The following COPB1 variants were observed in gnomAD, a reference collection of about 807,000 sequenced individuals.
COPB1 encodes the protein coatomer subunit beta.
COPB1 carries 21 observed loss-of-function variants against 108.7 expected under a neutral mutation model. That is an observed-to-expected ratio of 0.19 (90% CI 0.14 to 0.28). COPB1 has a LOEUF of 0.28. COPB1 is among the 10% of genes least tolerant of loss of function. The pLI is 1.00. For missense variants in COPB1, 919 were observed against 1,141.3 expected, an observed-to-expected ratio of 0.81 and a Z score of 2.81; for synonymous variants, 378 against 386.8, an observed-to-expected ratio of 0.98 and a Z score of 0.27.
chr11:14,468,066 A>G (rs1850321956), intron 16 of COPB1, among the ~76,000 whole-genome samples: 1 of 152,212 alleles, frequency 6.6e-6, no homozygotes, highest in Admixed American at 6.5e-5. Flanking sequence ...TAATTCAAAA[A>G]AACTAAAAAA....
At chr11:14,460,126 A>T in intron 20 of COPB1, 82 bp downstream of exon 20, 1 of 835,476 alleles carries the variant, frequency 1.2e-6, no homozygotes, top group African/African-American at 1.7e-5. Flanking sequence ...GAATAACAAA[A>T]ATGTGCTAGA....
At chr11:14,462,959 AC>A (rs1850192994) in intron 18 of COPB1, among the ~76,000 whole-genome samples, 1 of 152,104 alleles carries the variant, frequency 6.6e-6, no homozygotes, top group Non-Finnish European at 1.5e-5. Flanking sequence ...AGTCTACACT[AC>A]CTGTATTTCT....
At chr11:14,485,969 G>A (rs910411114) in intron 7 of COPB1, among the ~76,000 whole-genome samples, 2 of 152,176 alleles carry the variant, frequency 1.3e-5, no homozygotes, top group Non-Finnish European at 1.5e-5. Context: ...TCATTAAGAG[G>A]AAGTAGATCA....
At chr11:14,490,799 T>G (rs1213886969) in intron 4 of COPB1, 120 bp from the exon 5 acceptor site, 1 of 616,978 alleles carries the variant, frequency 1.6e-6, no homozygotes, top group Non-Finnish European at 2.8e-6. Context: ...TTGCTTTTTT[T>G]TTTTTTTGGA....
chr11:14,494,501 A>T (rs1850975419), intron 2 of COPB1, 62 bp from the exon 3 acceptor site: 2 of 976,392 alleles, frequency 2.0e-6, no homozygotes, highest in South Asian at 1.5e-5. Context: ...CATCACATAA[A>T]TTTAAAAGCA....
intron 20 of COPB1, among the ~76,000 whole-genome samples, chr11:14,459,578 G>A (rs1335922292): frequency 1.3e-5 from 2 of 152,056 alleles, no homozygotes; most frequent in South Asian, 4.2e-4. Context: ...CCACGGAAGA[G>A]CTCATGGACA....
chr11:14,483,718 G>T (rs2134117522), intron 7 of COPB1, among the ~76,000 whole-genome samples: 1 of 152,042 alleles, frequency 6.6e-6, no homozygotes, highest in Non-Finnish European at 1.5e-5. Flanking sequence ...GGAAAAGAAG[G>T]GAGGGAGGGA....
chr11:14,468,961 A>G (rs1249559386), intron 15 of COPB1, 101 bp from the exon 16 acceptor site: 1 of 969,886 alleles, frequency 1.0e-6, no homozygotes, highest in African/African-American at 1.6e-5. Flanking sequence ...TGAAAAATCA[A>G]CAAAACAACA....
At chr11:14,489,884 T>C (rs181697543) in intron 5 of COPB1, among the ~76,000 whole-genome samples, 13 of 152,332 alleles carry the variant, frequency 8.5e-5, no homozygotes, top group African/African-American at 2.9e-4. Flanking sequence ...GTTATGTGTA[T>C]GTTACCACAA....
At chr11:14,475,119 AG>A (rs1248376265) in intron 13 of COPB1, among the ~76,000 whole-genome samples, 8 of 133,416 alleles carry the variant, frequency 6.0e-5, no homozygotes, top group African/African-American at 1.4e-4. Flanking sequence ...AAAAAAAAAA[AG>A]AAAACTTATC....
intron 13 of COPB1, 91 bp from the exon 14 acceptor site, chr11:14,474,706 T>G (rs2134106882): frequency 2.6e-6 from 4 of 1,512,722 alleles, no homozygotes; most frequent in South Asian, 2.6e-5. Context: ...TATTAAACAC[T>G]CTTATTACCA....
rs781370944 is a variant in COPB1 at position 14,468,828 on chromosome 11, C to T, written c.1998G>A (p.Gln666=). The change falls in exon 16 of 22, where the codon CAG becomes CAA. Residue 666 remains glutamine (Q), a synonymous_variant. Transcript: ENST00000439561. The part of the protein sequence containing the change: ...KESEKRNVTV[Q]PDDPISFMQL... ...GCATGAAGGAAATGGGGTCATCAGG[C>T]TGTACTGTCACATTCCTCTTTTCAG... The T allele has an allele frequency of 3.7e-6, 6 of 1,614,038 alleles. No homozygotes were observed. In the Admixed American group the frequency reaches 1.0e-4, roughly 27 times the overall value.
chr11:14,482,743 C>A (rs2099522253), intron 8 of COPB1, among the ~76,000 whole-genome samples: 1 of 152,150 alleles, frequency 6.6e-6, no homozygotes, highest in Non-Finnish European at 1.5e-5. Flanking sequence ...ACCATGTTGG[C>A]CAGGCTGGTC....
rs754536521 is a variant in COPB1 at position 14,476,935 on chromosome 11, C to T, written c.1439G>A (p.Arg480His). The T allele has an allele frequency of 8.7e-6, 14 of 1,606,818 alleles. No individual in the cohort carries two copies. The highest frequency in any genetic ancestry group is 6.7e-5 in the East Asian group (3 of 44,852). ...EDIQSVMTEI[R>H]RSLGEIPIVE... is the part of the protein sequence containing the mutation. ...AAAACATACCTCTCCAAGGGACCTG[C>T]GGATCTCAGTCATCACACTCTGAAT... The change falls in exon 12 of 22, where the codon CGC (arginine) becomes CAC (histidine). Residue 480 changes from arginine to histidine, a missense_variant. Physicochemically the swap from Arg to His is conservative, Grantham distance 29 (BLOSUM62 0). Coordinates refer to ENST00000439561, the MANE Select transcript of COPB1 (RefSeq NM_001144061.2).
At chr11:14,482,950 A>C in intron 8 of COPB1, 82 bp downstream of exon 8, 1 of 1,323,226 alleles carries the variant, frequency 7.6e-7, no homozygotes, top group Non-Finnish European at 1.0e-6. Flanking sequence ...CATTTAGGTT[A>C]ACCAAGATGG....
chr11:14,473,522 T>C (rs1160305874), intron 14 of COPB1, among the ~76,000 whole-genome samples: 1 of 151,984 alleles, frequency 6.6e-6, no homozygotes, highest in African/African-American at 2.4e-5. Context: ...TTCAATATTG[T>C]GGTATCTCAG....
chr11:14,466,282 C>A lies in COPB1; in HGVS notation c.2290G>T (p.Gly764Trp). 1 of 1,612,658 alleles carries A rather than the reference C, an allele frequency of 6.2e-7. No homozygotes were observed. Among genetic ancestry groups the A allele is most frequent in the Non-Finnish European group, 8.5e-7 (1 of 1,179,302 alleles). The stretch of plus-strand genomic sequence containing the variant: ...TTTCCTGAATGGTAAGTTTCCTCAC[C>A]TAGTGTAGCTAGTTCTAATGTGCAA... Reference protein sequence around the residue: ...QNCTLELATLGDLKLVEKPSP... With the variant: ...QNCTLELATLWDLKLVEKPSP... The change falls in exon 17 of 22, where the codon GGG (glycine) becomes TGG (tryptophan). Residue 764 changes from glycine (G) to tryptophan (W), a missense_variant and splice_region_variant. Coordinates refer to ENST00000439561, the MANE Select transcript of COPB1 (RefSeq NM_001144061.2).
chr11:14,460,896 A>T (rs1850131777), intron 19 of COPB1, among the ~76,000 whole-genome samples: 1 of 152,186 alleles, frequency 6.6e-6, no homozygotes, highest in South Asian at 2.1e-4. Context: ...CGGGCACTAG[A>T]TTAAATGGTA....
intron 4 of COPB1, among the ~76,000 whole-genome samples, chr11:14,493,007 G>A (rs775494662): frequency 7.9e-5 from 12 of 152,058 alleles, no homozygotes; most frequent in South Asian, 2.1e-4. Context: ...TTGGCTGGGC[G>A]TGGTGGTGGG....
Sources: allele counts gnomAD v4.1 joint callset (sites outside exome capture counted in the v4.1 genomes callset), GRCh38; gene constraint gnomAD v4.1.1; transcripts MANE v1.5; gene names NCBI Gene and HGNC (gene_info 2026-07-23, HGNC 2026-07-21).